CYRIB: variants seen among roughly 807,000 people sequenced by gnomAD.
CYRIB encodes the protein CYFIP related Rac1 interactor B.
CYRIB carries 8 observed loss-of-function variants against 44.2 expected under a neutral mutation model. The observed-to-expected ratio is 0.18, with a 90% CI of 0.11 to 0.33. The LOEUF (loss-of-function observed/expected upper bound fraction) is 0.33, where lower values mean the gene tolerates loss of function less well. Ranked by LOEUF, CYRIB falls within the 10% of genes least tolerant of loss-of-function variation. The pLI, the probability that CYRIB is intolerant of heterozygous loss-of-function variation, is 1.00. For missense variants in CYRIB, 185 were observed against 382.8 expected (o/e 0.48, Z 4.31); for synonymous variants, 131 against 127.2 (o/e 1.03, Z -0.20).
chr8:129,965,248 C>CTGTGTGTGTGTGTGTG (rs3077879), intron 2 of CYRIB, among the ~76,000 whole-genome samples: 10 of 148,684 alleles, frequency 6.7e-5, no homozygotes, highest in African/African-American at 2.5e-4. Flanking sequence ...CCCCCAGACA[C>CTGTGTGTGTGTGTGTG]TGTGTGTGTG....
intron 1 of CYRIB, among the ~76,000 whole-genome samples, chr8:129,924,308 GC>G (rs1564003891): frequency 1.4e-4 from 9 of 62,266 alleles, no homozygotes; most frequent in African/African-American, 3.1e-4. Context: ...GGGGGGGGTG[GC>G]GGGGGGGGTG....
chr8:129,889,456 G>C (rs2064161978), intron 2 of CYRIB, among the ~76,000 whole-genome samples: 1 of 152,186 alleles, frequency 6.6e-6, no homozygotes, highest in Non-Finnish European at 1.5e-5. Flanking sequence ...ACCTGTCATA[G>C]ATATGGATTC....
At chr8:129,937,716 A>G (rs936291573) in intron 1 of CYRIB, among the ~76,000 whole-genome samples, 1 of 152,342 alleles carries the variant, frequency 6.6e-6, no homozygotes, top group African/African-American at 2.4e-5. Context: ...CTTTCTTGGG[A>G]GACAAAAATC....
At chr8:129,867,798 T>C (rs1308499559) in intron 4 of CYRIB, among the ~76,000 whole-genome samples, 1 of 152,196 alleles carries the variant, frequency 6.6e-6, no homozygotes, top group African/African-American at 2.4e-5. Context: ...AGTTTTTACA[T>C]TGACATTTCC....
rs78652771 is a variant in CYRIB at position 129,863,717 on chromosome 8, C to G, written c.196-1383G>C. Among the ~76,000 whole-genome samples the G allele has an allele frequency of 8.9e-3, 1,353 of 152,152 alleles. 17 individuals carry two copies. The highest frequency in any genetic ancestry group is 0.031 in the African/African-American group (1,281 of 41,486). Reference sequence around the variant, plus strand: ...TAATATAAATGACTTCTTCTATACCCAGTCTTTCAAATCATTAAGTAATCT... The same window carrying G: ...TAATATAAATGACTTCTTCTATACCGAGTCTTTCAAATCATTAAGTAATCT... On this transcript the variant is annotated intron_variant, in intron 4 of 11. Transcript: ENST00000519824.
chr8:129,926,510 A>G (rs769919300), intron 1 of CYRIB, among the ~76,000 whole-genome samples: 15 of 152,340 alleles, frequency 9.8e-5, no homozygotes, highest in Non-Finnish European at 1.0e-4. Flanking sequence ...TAGAGCTGTT[A>G]CATCTCTAAA....
At chr8:129,904,220 G>A (rs1229866353) in intron 1 of CYRIB, among the ~76,000 whole-genome samples, 1 of 152,074 alleles carries the variant, frequency 6.6e-6, no homozygotes, top group East Asian at 1.9e-4. Flanking sequence ...TCTAGCTGAG[G>A]TACCTCCTCC....
At position 129,933,209 on chromosome 8, in the gene CYRIB, A is replaced by G. The variant is rs575458695; in HGVS notation, c.-50+6399T>C. ...AAGTGAATATAAAGCCTTGATTACCAGCACCAAGTTGCTCTCTCCCCCTCC... is the reference window on the plus strand; with the variant it reads ...AAGTGAATATAAAGCCTTGATTACCGGCACCAAGTTGCTCTCTCCCCCTCC... On this transcript the variant is annotated intron_variant, in intron 1 of 11. Transcript: ENST00000519824. Among the ~76,000 whole-genome samples, 3 of 152,286 alleles carry G rather than the reference A, an allele frequency of 2.0e-5. No homozygotes were observed. In the South Asian group the frequency reaches 6.2e-4, roughly 32 times the overall value.
At chr8:129,970,718 T>C (rs1024082172) in intron 2 of CYRIB, 4 of 152,068 alleles carry the variant, frequency 2.6e-5, no homozygotes, top group African/African-American at 9.7e-5. Flanking sequence ...TAATTTGACC[T>C]AAAAACCTTG....
intron 1 of CYRIB, among the ~76,000 whole-genome samples, chr8:129,933,924 C>A (rs1335917875): frequency 6.6e-6 from 1 of 150,854 alleles, no homozygotes; most frequent in Non-Finnish European, 1.5e-5. Flanking sequence ...GAAGAAGAAC[C>A]TGATGTGTTT....
chr8:129,907,927 G>C (rs1214519879), intron 1 of CYRIB, among the ~76,000 whole-genome samples: 1 of 152,186 alleles, frequency 6.6e-6, no homozygotes, highest in Non-Finnish European at 1.5e-5. Flanking sequence ...GCCTGAACCT[G>C]GGAGGCAGAG....
chr8:130,015,725 T>G (rs2097327497), intron 1 of CYRIB, among the ~76,000 whole-genome samples: 1 of 152,212 alleles, frequency 6.6e-6, no homozygotes, highest in Non-Finnish European at 1.5e-5. Context: ...AGGAAAGCCC[T>G]GCAGGCTGCA....
chr8:129,990,503 T>C (rs1406501797), intron 1 of CYRIB, among the ~76,000 whole-genome samples: 7 of 135,164 alleles, frequency 5.2e-5, no homozygotes, highest in Admixed American at 1.5e-4. Flanking sequence ...TATGCGTGTG[T>C]GTGTGTGTGT....
intron 1 of CYRIB, among the ~76,000 whole-genome samples, chr8:130,009,752 A>G (rs2097179677): frequency 1.3e-5 from 2 of 152,108 alleles, no homozygotes; most frequent in South Asian, 4.1e-4. Context: ...ATCCCACTCA[A>G]TCCTCCAAAC....
At chr8:129,885,801 T>A (rs766026954) in intron 2 of CYRIB, among the ~76,000 whole-genome samples, 7 of 151,888 alleles carry the variant, frequency 4.6e-5, no homozygotes, top group Admixed American at 1.3e-4. Context: ...AGGTGATTAT[T>A]CCACACATTA....
chr8:130,002,143 A>G (rs2096921838), intron 1 of CYRIB, among the ~76,000 whole-genome samples: 1 of 152,184 alleles, frequency 6.6e-6, no homozygotes, highest in African/African-American at 2.4e-5. Context: ...TCCTGAAAGC[A>G]GCAGTATTTT....
intron 2 of CYRIB, among the ~76,000 whole-genome samples, chr8:129,898,196 T>C (rs978243928): frequency 3.3e-5 from 5 of 152,112 alleles, no homozygotes; most frequent in African/African-American, 1.2e-4. Flanking sequence ...TCTTAACTTC[T>C]GTTTCCAAAG....
chr8:129,999,836 C>T (rs2096867604), intron 1 of CYRIB, among the ~76,000 whole-genome samples: 1 of 152,072 alleles, frequency 6.6e-6, no homozygotes, highest in South Asian at 2.1e-4. Flanking sequence ...CTGATGTTGC[C>T]CAGGCTGCTC....
intron 2 of CYRIB, among the ~76,000 whole-genome samples, chr8:129,888,158 C>T (rs1432097183): frequency 2.0e-5 from 3 of 152,118 alleles, no homozygotes; most frequent in African/African-American, 7.2e-5. Context: ...GGACTTCCCC[C>T]TTGCTGCTGT....
Sources: gnomAD v4.1 joint callset for allele counts (sites outside exome capture counted in the v4.1 genomes callset) on GRCh38, gnomAD v4.1.1 for gene constraint, MANE v1.5 for transcripts, NCBI Gene and HGNC (gene_info 2026-07-23, HGNC 2026-07-21) for gene names.